Variants in ORC1 observed in about 807,000 individuals in gnomAD.
ORC1 encodes the protein origin recognition complex subunit 1, also known as origin recognition complex, subunit 1 homolog.
Under a neutral mutation model 98.9 loss-of-function variants are expected in ORC1, and 61 were observed. The observed-to-expected ratio is 0.62, with a 90% CI of 0.50 to 0.76. ORC1 has a LOEUF of 0.76. Ranked by LOEUF, ORC1 falls within the 30% of genes least tolerant of loss-of-function variation. The pLI, the probability that ORC1 is intolerant of heterozygous loss-of-function variation, is 0.00. For synonymous variants in ORC1, 385 were observed against 406.9 expected, an observed-to-expected ratio of 0.95 and a Z score of 0.65; for missense variants, 979 against 1,072.2, an observed-to-expected ratio of 0.91 and a Z score of 1.21.
chr1:52,373,918 CAT>C (rs1474360867), intron 16 of ORC1, among the ~76,000 whole-genome samples: 2 of 152,224 alleles, frequency 1.3e-5, no homozygotes, highest in East Asian at 3.9e-4. Context: ...TAGCTGGAAA[CAT>C]AGATTCCTAC....
chr1:52,389,644 T>G (rs1647185217), intron 6 of ORC1, among the ~76,000 whole-genome samples: 1 of 152,188 alleles, frequency 6.6e-6, no homozygotes, highest in Non-Finnish European at 1.5e-5. Flanking sequence ...TGCATGAATT[T>G]ATTATCCACA....
In ORC1 at chr1:52,400,401, GT is replaced by G. The variant is rs1425257089; in HGVS notation, c.223+960del. On this transcript the variant is annotated intron_variant, in intron 3 of 16. Transcript: ENST00000371568. ...GCACACAATTTAAAGCTTATGACTT[GT>G]TTTTTTCTGTAATTTTCCATTTAAT... Among the ~76,000 whole-genome samples, 5 of 152,266 alleles carry G rather than the reference GT, an allele frequency of 3.3e-5. No individual in the cohort carries two copies. The East Asian group carries it at 5.8e-4, about 18-fold the overall frequency.
chr1:52,384,629 T>C lies in ORC1; in HGVS notation c.1676A>G (p.Asp559Gly). Residue 559 changes from aspartate (D) to glycine (G), a missense_variant, in exon 11 of 17, where the codon GAT (aspartate) becomes GGT (glycine). Coordinates refer to ENST00000371568, the MANE Select transcript of ORC1 (RefSeq NM_004153.4). ...RCLQQAAQANDVPPFQYIEVN... is the reference protein window; with the variant it reads ...RCLQQAAQANGVPPFQYIEVN... ...CTCAATGTATTGAAAGGGAGGAACA[T>C]CATTGGCTTGGGCTGCCTGCTGCAG... is the stretch of plus-strand genomic sequence containing the variant. The C allele has an allele frequency of 6.2e-7, 1 of 1,613,970 alleles. No individual in the cohort carries two copies. Among genetic ancestry groups the C allele is most frequent in the Non-Finnish European group, 8.5e-7 (1 of 1,179,922 alleles).
At position 52,385,900 on chromosome 1, in the gene ORC1, C is replaced by T. The variant is rs946676889; in HGVS notation, c.1433G>A (p.Ser478Asn). Residue 478 changes from serine to asparagine, a missense_variant, in exon 9 of 17, where the codon AGC becomes AAC. By Grantham distance (46) the Ser-to-Asn change is conservative. Coordinates refer to ENST00000371568, the MANE Select transcript of ORC1 (RefSeq NM_004153.4). ...RCAAPQIRSR[S>N]LAAQEPASVL... ...ACTGGCTGGCTCCTGGGCAGCCAGG[C>T]TTCGACTACGGATCTGAGGAGCGGC... 1.2e-6 allele frequency: 2 copies of T among 1,613,902 alleles called. No individual in the cohort carries two copies. Among genetic ancestry groups the T allele is most frequent in the Non-Finnish European group, 1.7e-6 (2 of 1,180,022 alleles).
At position 52,397,824 on chromosome 1, in the gene ORC1, C is replaced by G; in HGVS notation, c.263G>C (p.Trp88Ser). 1 of 1,614,216 alleles carries G rather than the reference C, an allele frequency of 6.2e-7. No homozygotes were observed. The highest frequency in any genetic ancestry group is 8.5e-7 in the Non-Finnish European group (1 of 1,180,050). The change falls in exon 4 of 17, where the codon TGG becomes TCG. Residue 88 changes from tryptophan (W) to serine (S), a missense_variant. By Grantham distance (177) the Trp-to-Ser change is radical. Coordinates refer to ENST00000371568, the MANE Select transcript of ORC1 (RefSeq NM_004153.4). ...AGGGACTTCACAGAATCGGACAAAC[C>G]ACTGTACTCGAGCACGTTTCTTAGG... is the stretch of plus-strand genomic sequence containing the variant. ...PPPKKRARVQ[W>S]FVRFCEVPAC...
At chr1:52,398,133 T>C (rs1647509161) in intron 3 of ORC1, among the ~76,000 whole-genome samples, 1 of 151,986 alleles carries the variant, frequency 6.6e-6, no homozygotes, top group Admixed American at 6.6e-5. Context: ...CTGGCTAATT[T>C]TTGTATTTTC....
intron 5 of ORC1, among the ~76,000 whole-genome samples, chr1:52,394,680 GCT>G (rs1647316434): frequency 6.6e-6 from 1 of 152,004 alleles, no homozygotes; most frequent in Non-Finnish European, 1.5e-5. Context: ...ACAGAGTCTT[GCT>G]CTGTTGCTCA....
chr1:52,401,461 A>C lies in ORC1; in HGVS notation c.124T>G (p.Ser42Ala). 1 of 1,613,414 alleles carries C rather than the reference A, an allele frequency of 6.2e-7. No homozygotes were observed. The highest frequency in any genetic ancestry group is 8.5e-7 in the Non-Finnish European group (1 of 1,179,794). Residue 42 changes from serine to alanine, a missense_variant, in exon 3 of 17, where the codon TCC becomes GCC. Ser to Ala is a moderately conservative substitution (Grantham distance 99). Transcript: ENST00000371568. ...CCAATCTGGATGTGAATCTCGGTGG[A>C]ACAACCTTCTGTTTTCACACACATT... ...REMCVKTEGCSTEIHIQIGQF... is the reference protein window; with the variant it reads ...REMCVKTEGCATEIHIQIGQF...
chr1:52,388,521 G>A lies in ORC1; in HGVS notation c.1304C>T (p.Ala435Val). 6.2e-7 allele frequency: 1 copy of A among 1,614,146 alleles called. No individual in the cohort carries two copies. The highest frequency in any genetic ancestry group is 2.2e-5 in the East Asian group (1 of 44,884). ...EASTPPLPRRAPRTVSRNLRS... is the reference protein window; with the variant it reads ...EASTPPLPRRVPRTVSRNLRS... Reference sequence around the variant, plus strand: ...CAGGTTCCTGGACACAGTTCTGGGTGCTCTCCTTGGAAGGGGCGGTGTGGA... The same window carrying A: ...CAGGTTCCTGGACACAGTTCTGGGTACTCTCCTTGGAAGGGGCGGTGTGGA... Residue 435 changes from alanine to valine, a missense_variant, in exon 8 of 17, where the codon GCA becomes GTA. Coordinates refer to ENST00000371568, the MANE Select transcript of ORC1 (RefSeq NM_004153.4).
chr1:52,404,589 G>A (rs528385564), upstream of ORC1: 589 of 650,270 alleles, frequency 9.1e-4, 6 homozygotes, highest in Non-Finnish European at 1.1e-4. Flanking sequence ...GACGCGGGGA[G>A]CGGAAGCCCT....
In ORC1 at chr1:52,383,866, C is replaced by T. The variant is rs1392881379; in HGVS notation, c.1827G>A (p.Gly609=). Residue 609 remains glycine (G), a synonymous_variant, in exon 12 of 17, where the codon GGG becomes GGA. Coordinates refer to ENST00000371568, the MANE Select transcript of ORC1 (RefSeq NM_004153.4). ...ELLAKQFCTR[G]SPQETTVLLV... ...GCAGGACGGTGGTTTCCTGAGGTGA[C>T]CCTCGGGTGCAGAATTGCTTTGCCA... is the stretch of plus-strand genomic sequence containing the variant. The T allele has an allele frequency of 6.2e-7, 1 of 1,614,160 alleles. No homozygotes were observed. Among genetic ancestry groups the T allele is most frequent in the Non-Finnish European group, 8.5e-7 (1 of 1,180,016 alleles).
Position 52,397,835 on chromosome 1 carries a change from A to C in ORC1, c.252T>G (p.Ala84=). The C allele has an allele frequency of 6.2e-7, 1 of 1,614,256 alleles. No homozygotes were observed. Among genetic ancestry groups the C allele is most frequent in the Non-Finnish European group, 8.5e-7 (1 of 1,180,048 alleles). ...DDSDPPPKKR[A]RVQWFVRFCE... ...AGAATCGGACAAACCACTGTACTCG[A>C]GCACGTTTCTTAGGAGGAGGATCAG... Residue 84 remains alanine (A), a synonymous_variant, in exon 4 of 17, where the codon GCT becomes GCG. Transcript: ENST00000371568.
At chr1:52,389,100 G>A in intron 7 of ORC1, 117 bp downstream of exon 7, 1 of 811,362 alleles carries the variant, frequency 1.2e-6, no homozygotes, top group Non-Finnish European at 2.1e-6. Context: ...GACATGCTAG[G>A]TAAAAGGTCA....
upstream of ORC1, among the ~76,000 whole-genome samples, chr1:52,405,032 C>T (rs1358328769): frequency 6.6e-6 from 1 of 152,122 alleles, no homozygotes; most frequent in African/African-American, 2.4e-5. Context: ...CTAAGTGCCT[C>T]GTCTTGTGTT....
Position 52,381,641 on chromosome 1 carries a change from C to T in ORC1, c.2133+1G>A, listed in dbSNP as rs745873189. ...ATTTATGGGTGCAGCTGGTGACTTA[C>T]CTTCCTGGCTACCAGCTGGATGGCA... On this transcript the variant is annotated splice_donor_variant, in intron 14 of 16. Coordinates refer to ENST00000371568, the MANE Select transcript of ORC1 (RefSeq NM_004153.4). LOFTEE classifies it high-confidence loss of function. The T allele has an allele frequency of 6.2e-7, 1 of 1,612,304 alleles. No individual in the cohort carries two copies. The highest frequency in any genetic ancestry group is 8.5e-7 in the Non-Finnish European group (1 of 1,179,608).
intron 6 of ORC1, among the ~76,000 whole-genome samples, chr1:52,392,134 C>T (rs551120074): frequency 1.3e-5 from 2 of 151,248 alleles, no homozygotes; most frequent in East Asian, 3.9e-4. Context: ...AAAGGGAACA[C>T]TTCTTTTTTT....
chr1:52,406,481 G>T (rs1370049610), upstream of ORC1, among the ~76,000 whole-genome samples: 1 of 152,178 alleles, frequency 6.6e-6, no homozygotes, highest in Non-Finnish European at 1.5e-5. Flanking sequence ...GTGGTTAAGA[G>T]GTGTAAGATC....
rs1357838474 is a variant in ORC1, at chr1:52,383,900, G to C, written c.1793C>G (p.Ala598Gly). 6.2e-7 allele frequency: 1 copy of C among 1,614,166 alleles called. No individual in the cohort carries two copies. Among genetic ancestry groups the C allele is most frequent in the Non-Finnish European group, 8.5e-7 (1 of 1,180,024 alleles). ...TGQKATANHA[A>G]ELLAKQFCTR... is the part of the protein sequence containing the mutation. ...GCAGAATTGCTTTGCCAGCAGTTCTGCCGCATGGTTGGCTGTTGCTTTTTG... is the reference window on the plus strand; with the variant it reads ...GCAGAATTGCTTTGCCAGCAGTTCTCCCGCATGGTTGGCTGTTGCTTTTTG... The change falls in exon 12 of 17, where the codon GCA (alanine) becomes GGA (glycine). Residue 598 changes from alanine (A) to glycine (G), a missense_variant. Coordinates refer to ENST00000371568, the MANE Select transcript of ORC1 (RefSeq NM_004153.4).
intron 5 of ORC1, among the ~76,000 whole-genome samples, chr1:52,395,815 C>CA (rs1006342556): frequency 6.6e-6 from 1 of 151,922 alleles, no homozygotes; most frequent in Admixed American, 6.6e-5. Flanking sequence ...GACTCTGTCT[C>CA]AAAAAACAAA....
Sources: gnomAD v4.1 joint callset for allele counts (sites outside exome capture counted in the v4.1 genomes callset) on GRCh38, gnomAD v4.1.1 for gene constraint, MANE v1.5 for transcripts, NCBI Gene and HGNC (gene_info 2026-07-23, HGNC 2026-07-21) for gene names.